Variants in BAG1 observed in about 807,000 individuals in gnomAD.
BAG1 encodes BAG cochaperone 1, also known as BAG family molecular chaperone regulator 1.
A neutral mutation model predicts 35.5 loss-of-function variants in BAG1; 35 were observed. That is an observed-to-expected ratio of 0.99 (90% CI 0.75 to 1.31). The LOEUF is 1.31. Ranked by LOEUF, BAG1 falls within the 50% of genes most tolerant of loss-of-function variation. The pLI, the probability that BAG1 is intolerant of heterozygous loss-of-function variation, is 0.00. For missense variants in BAG1, 464 were observed against 453.6 expected (o/e 1.02, Z -0.21); for synonymous variants, 191 against 178.9 (o/e 1.07, Z -0.54).
intron 1 of BAG1, 68 bp from the exon 2 acceptor site, chr9:33,262,898 A>G (rs1369183222): frequency 6.3e-7 from 1 of 1,579,664 alleles, no homozygotes; most frequent in Non-Finnish European, 8.6e-7. Context: ...ATGACACTTT[A>G]TCACATTTAT....
chr9:33,262,389 G>T, intron 2 of BAG1: 1 of 1,087,084 alleles, frequency 9.2e-7, no homozygotes, highest in East Asian at 5.7e-5. Flanking sequence ...AGGTGCAGTG[G>T]CTCACACCTG....
At chr9:33,256,367 T>A (rs978797047) in intron 5 of BAG1, among the ~76,000 whole-genome samples, 11 of 152,232 alleles carry the variant, frequency 7.2e-5, no homozygotes, top group African/African-American at 2.2e-4. Flanking sequence ...ATTACTATCA[T>A]CTGCAAAAGA....
At chr9:33,256,984 C>A in intron 4 of BAG1, 76 bp from the exon 5 acceptor site, 1 of 1,089,208 alleles carries the variant, frequency 9.2e-7, no homozygotes, top group South Asian at 1.3e-5. Context: ...ACTAATGATG[C>A]AATCACACTG....
chr9:33,257,379 TG>T (rs1820477747), intron 4 of BAG1: 1 of 153,034 alleles, frequency 6.5e-6, no homozygotes. Flanking sequence ...TATGTACATG[TG>T]TCACTAACTT....
chr9:33,264,642 T>C lies in BAG1; in HGVS notation c.33A>G (p.Arg11=). The C allele has an allele frequency of 7.4e-7, 1 of 1,346,310 alleles. No individual in the cohort carries two copies. The highest frequency in any genetic ancestry group is 9.5e-7 in the Non-Finnish European group (1 of 1,057,456). The allele number at this position is 1,346,310 out of a possible 1,614,324, so 83.4% of individuals were successfully genotyped here. A position where few individuals can be genotyped will look rare whatever the true frequency, so the allele number is the denominator to read the frequency against. Residue 11 remains arginine (R), a synonymous_variant, in exon 1 of 7, where the codon CGA becomes CGG. Coordinates refer to ENST00000634734, the MANE Select transcript of BAG1 (RefSeq NM_004323.6). The stretch of plus-strand genomic sequence containing the variant: ...GGGAACCCAGCCGCTCCCGGTCGCC[T>C]CGCGGTCTCCGCGCCCCCCCGCGCT...
intron 4 of BAG1, among the ~76,000 whole-genome samples, chr9:33,258,558 T>G (rs1192394535): frequency 2.0e-5 from 3 of 152,198 alleles, no homozygotes; most frequent in Non-Finnish European, 4.4e-5. Context: ...AGAAGCTACT[T>G]GTTCTATTTC....
intron 2 of BAG1, chr9:33,262,264 T>C: frequency 7.9e-7 from 1 of 1,259,786 alleles, no homozygotes; most frequent in Non-Finnish European, 1.0e-6. Context: ...AATAAACAAA[T>C]AAATAAAAAT....
At chr9:33,263,550 G>T (rs930167964) in intron 1 of BAG1, among the ~76,000 whole-genome samples, 6 of 151,032 alleles carry the variant, frequency 4.0e-5, no homozygotes, top group African/African-American at 1.5e-4. Context: ...CAGGAGCCAG[G>T]GTTACCAAAT....
At position 33,254,890 on chromosome 9, in the gene BAG1, T is replaced by C; in HGVS notation, c.*329A>G. 1.4e-6 allele frequency: 1 copy of C among 713,468 alleles called. No homozygotes were observed. The highest frequency in any genetic ancestry group is 2.1e-6 in the Non-Finnish European group (1 of 487,284). The allele number at this position is 713,468 out of a possible 1,614,324, so 44.2% of individuals were successfully genotyped here. A position where few individuals can be genotyped will look rare whatever the true frequency, so the allele number is the denominator to read the frequency against. ...CTGAGGGGGCCTATAAACCTGAAAC[T>C]GGCCCAAGGCAAATTAGAGCTCTCA... On this transcript the variant is annotated 3_prime_UTR_variant, in exon 7 of 7. Coordinates refer to ENST00000634734, the MANE Select transcript of BAG1 (RefSeq NM_004323.6).
chr9:33,258,298 CAAAAAAAAAAAA>C (rs10591225), intron 4 of BAG1, among the ~76,000 whole-genome samples: 4 of 63,348 alleles, frequency 6.3e-5, no homozygotes, highest in African/African-American at 1.7e-4. Context: ...GACTCCATAT[CAAAAAAAAAAAA>C]AAAAAAAAAA....
chr9:33,253,209 G>A lies in BAG1; in HGVS notation c.*2010C>T, dbSNP rs1820374488. 1 of 152,192 alleles carries A rather than the reference G, an allele frequency of 6.6e-6. No individual in the cohort carries two copies. The highest frequency in any genetic ancestry group is 2.4e-5 in the African/African-American group (1 of 41,412). 9.4% of individuals were successfully genotyped at this position (152,192 alleles called of 1,614,324 possible). On this transcript the variant is annotated 3_prime_UTR_variant, in exon 7 of 7. Coordinates refer to ENST00000634734, the MANE Select transcript of BAG1 (RefSeq NM_004323.6). ...GACAAGAGGAAAAAAATCAGAGAAT[G>A]GGCCTGTGCAACCCTGTGTTGGTTG...
In BAG1 at chr9:33,255,089, G is replaced by A; in HGVS notation, c.*130C>T. The stretch of plus-strand genomic sequence containing the variant: ...ACTATTTTTCATTGAGAACCAGTGT[G>A]AGAGTAGGAAAATTGGCAAATGGCC... On this transcript the variant is annotated 3_prime_UTR_variant, in exon 7 of 7. Coordinates refer to ENST00000634734, the MANE Select transcript of BAG1 (RefSeq NM_004323.6). 1.2e-6 allele frequency: 2 copies of A among 1,600,166 alleles called. No individual in the cohort carries two copies. Among genetic ancestry groups the A allele is most frequent in the Non-Finnish European group, 1.7e-6 (2 of 1,172,300 alleles).
chr9:33,255,323 C>T lies in BAG1; in HGVS notation c.949-15G>A, dbSNP rs375910579. The T allele has an allele frequency of 1.3e-4, 207 of 1,613,988 alleles. No homozygotes were observed. The highest frequency in any genetic ancestry group is 9.2e-5 in the Non-Finnish European group (109 of 1,180,024). On this transcript the variant is annotated splice_polypyrimidine_tract_variant and intron_variant, in intron 6 of 6. Coordinates refer to ENST00000634734, the MANE Select transcript of BAG1 (RefSeq NM_004323.6). ...GCTAGGAATGCCTAGAAAATACACA[C>T]GGGGCAGTAAGGGCCCATCCAGGGG...
At chr9:33,261,620 T>C (rs1820572748) in intron 2 of BAG1, among the ~76,000 whole-genome samples, 2 of 152,212 alleles carry the variant, frequency 1.3e-5, no homozygotes, top group Admixed American at 1.3e-4. Context: ...TTCCTCTATT[T>C]TGAAACATGA....
intron 2 of BAG1, chr9:33,262,353 C>T (rs527760863): frequency 5.6e-5 from 67 of 1,186,194 alleles, no homozygotes; most frequent in Middle Eastern, 3.4e-4. Flanking sequence ...AAGGAAAAGC[C>T]GGAAAAGAAA....
At position 33,258,974 on chromosome 9, in the gene BAG1, C is replaced by T. The variant is rs774569452; in HGVS notation, c.723G>A (p.Glu241=). 3 of 1,614,214 alleles carry T rather than the reference C, an allele frequency of 1.9e-6. No homozygotes were observed. The South Asian group carries it at 3.3e-5, about 18-fold the overall frequency. The change falls in exon 4 of 7, where the codon GAG becomes GAA. Residue 241 remains glutamate (E), a synonymous_variant. Transcript: ENST00000634734. Reference sequence around the variant, plus strand: ...ACTCTTCCAGCTGGTCAGCTATCTTCTCCACAGACTTCTCCAAATGTTTCA... The same window carrying T: ...ACTCTTCCAGCTGGTCAGCTATCTTTTCCACAGACTTCTCCAAATGTTTCA...
At position 33,256,914 on chromosome 9, in the gene BAG1, G is replaced by C; in HGVS notation, c.778-6C>G. 1 of 1,609,016 alleles carries C rather than the reference G, an allele frequency of 6.2e-7. No individual in the cohort carries two copies. Among genetic ancestry groups the C allele is most frequent in the East Asian group, 2.2e-5 (1 of 44,862 alleles). On this transcript the variant is annotated splice_region_variant and splice_polypyrimidine_tract_variant and intron_variant, in intron 4 of 6. Coordinates refer to ENST00000634734, the MANE Select transcript of BAG1 (RefSeq NM_004323.6). Reference sequence around the variant, plus strand: ...AAATCCTTGGGCAGAAAACCCTGCGGGGAAATAATGCATTATTGCAAGGGT... The same window carrying C: ...AAATCCTTGGGCAGAAAACCCTGCGCGGAAATAATGCATTATTGCAAGGGT...
rs769742000 is a variant in BAG1, at chr9:33,264,435, C to A, written c.240G>T (p.Ser80=). 6.2e-7 allele frequency: 1 copy of A among 1,614,028 alleles called. No homozygotes were observed. The highest frequency in any genetic ancestry group is 8.5e-7 in the Non-Finnish European group (1 of 1,180,020). The stretch of plus-strand genomic sequence containing the variant: ...TCCGGGTCAACTCCTCGCTCCGGGT[C>A]GAGCGGCGCCGGGTTTTCTTCTTCA... The change falls in exon 1 of 7, where the codon TCG becomes TCT. Residue 80 remains serine, a synonymous_variant. Transcript: ENST00000634734.
In BAG1 at chr9:33,255,123, C is replaced by G. The variant is rs969057862; in HGVS notation, c.*96G>C. On this transcript the variant is annotated 3_prime_UTR_variant, in exon 7 of 7. Transcript: ENST00000634734. ...AAAATTGGCAAATGGCCAGTTGCCC[C>G]CAGCAGCCCTGAAGAAATCAGGTAA... The G allele has an allele frequency of 1.9e-6, 3 of 1,612,642 alleles. No individual in the cohort carries two copies. The African/African-American group carries it at 4.0e-5, about 22-fold the overall frequency.
Sources: gnomAD v4.1 joint callset for allele counts (sites outside exome capture counted in the v4.1 genomes callset) on GRCh38, gnomAD v4.1.1 for gene constraint, MANE v1.5 for transcripts, NCBI Gene and HGNC (gene_info 2026-07-23, HGNC 2026-07-21) for gene names.